The following PIAS1 variants were observed in gnomAD, a reference collection of about 807,000 sequenced individuals.
PIAS1 encodes E3 SUMO-protein ligase PIAS1.
Under a neutral mutation model 71.3 loss-of-function variants are expected in PIAS1, and 6 were observed. The ratio of observed to expected loss-of-function variants is 0.08; its 90% CI spans 0.05 to 0.17. The LOEUF is 0.17. Ranked by LOEUF, PIAS1 falls within the 10% of genes least tolerant of loss-of-function variation. The pLI is 1.00. For missense variants in PIAS1, 555 were observed against 793.6 expected, an observed-to-expected ratio of 0.70 and a Z score of 3.61; for synonymous variants, 303 against 292.9, an observed-to-expected ratio of 1.03 and a Z score of -0.35.
chr15:68,152,268 T>G (rs886511145), intron 6 of PIAS1, among the ~76,000 whole-genome samples: 59 of 152,276 alleles, frequency 3.9e-4, no homozygotes, highest in Admixed American at 6.5e-4. Flanking sequence ...TTAATGTTAC[T>G]TGTTCCTCAT....
At chr15:68,130,702 C>T (rs964314005) in intron 2 of PIAS1, among the ~76,000 whole-genome samples, 1 of 147,712 alleles carries the variant, frequency 6.8e-6, no homozygotes, top group Non-Finnish European at 1.5e-5. Context: ...TTCAGTTTCA[C>T]TTTTTGAATA....
intron 2 of PIAS1, among the ~76,000 whole-genome samples, chr15:68,135,516 G>A (rs1312141814): frequency 4.8e-5 from 2 of 41,746 alleles, no homozygotes; most frequent in East Asian, 7.0e-4. Flanking sequence ...CCTCCCTCCC[G>A]GACGGGGCGG....
chr15:68,088,975 T>G (rs1191099789), intron 2 of PIAS1, among the ~76,000 whole-genome samples: 1 of 152,214 alleles, frequency 6.6e-6, no homozygotes, highest in Non-Finnish European at 1.5e-5. Flanking sequence ...AATCAAGTTT[T>G]TGAGAACATA....
intron 1 of PIAS1, among the ~76,000 whole-genome samples, chr15:68,060,626 C>CA (rs987162641): frequency 1.5e-4 from 22 of 151,554 alleles, no homozygotes; most frequent in African/African-American, 4.9e-4. Context: ...AACAAACAAA[C>CA]AAAAAATCCC....
chr15:68,181,333 C>T lies in PIAS1; in HGVS notation c.1603C>T (p.Pro535Ser). The T allele has an allele frequency of 3.1e-6, 5 of 1,613,646 alleles. No individual in the cohort carries two copies. Among genetic ancestry groups the T allele is most frequent in the South Asian group, 1.1e-5 (1 of 91,076 alleles). The change falls in exon 12 of 14, where the codon CCC becomes TCC. Residue 535 changes from proline (P) to serine (S), a missense_variant. By Grantham distance (74) the Pro-to-Ser change is moderately conservative. Transcript: ENST00000249636. ...QDYRHPFHMT[P>S]MPYDLQGLDF... ...CTATAGGCATCCTTTCCACATGACA[C>T]CCATGCCTTACGACTTACAAGGTGA...
chr15:68,114,848 T>A (rs1002812903), intron 2 of PIAS1, among the ~76,000 whole-genome samples: 2 of 152,048 alleles, frequency 1.3e-5, no homozygotes, highest in Non-Finnish European at 2.9e-5. Flanking sequence ...TTCTAAAACC[T>A]TAACTTTTCT....
chr15:68,087,465 A>C (rs2092294141), intron 2 of PIAS1, among the ~76,000 whole-genome samples: 2 of 152,206 alleles, frequency 1.3e-5, no homozygotes, highest in African/African-American at 4.8e-5. Flanking sequence ...CCTTTGGTAT[A>C]ATATATTTAA....
chr15:68,076,440 C>T (rs961092762), intron 1 of PIAS1, among the ~76,000 whole-genome samples: 9 of 152,018 alleles, frequency 5.9e-5, no homozygotes, highest in Admixed American at 4.6e-4. Context: ...CCAGGAGGCA[C>T]AGGTTGCCAA....
chr15:68,106,191 C>G (rs1349815345), intron 2 of PIAS1, among the ~76,000 whole-genome samples: 1 of 151,656 alleles, frequency 6.6e-6, no homozygotes, highest in Non-Finnish European at 1.5e-5. Flanking sequence ...GTGTAAGAGA[C>G]AGAGTGCATT....
At chr15:68,057,219 A>C (rs1427429198) in intron 1 of PIAS1, among the ~76,000 whole-genome samples, 2 of 152,246 alleles carry the variant, frequency 1.3e-5, no homozygotes, top group Non-Finnish European at 2.9e-5. Context: ...CATACATATC[A>C]AAATGAATTC....
intron 2 of PIAS1, among the ~76,000 whole-genome samples, chr15:68,133,616 A>G (rs1435003403): frequency 6.6e-6 from 1 of 152,168 alleles, no homozygotes; most frequent in Non-Finnish European, 1.5e-5. Flanking sequence ...AGGGAAGGGA[A>G]AGTTTATTTA....
At chr15:68,128,399 C>T (rs1014232805) in intron 2 of PIAS1, among the ~76,000 whole-genome samples, 12 of 152,138 alleles carry the variant, frequency 7.9e-5, no homozygotes, top group African/African-American at 1.7e-4. Context: ...CCACCTGCCT[C>T]GGCCTCCCAA....
At chr15:68,123,415 T>C (rs2092626928) in intron 2 of PIAS1, among the ~76,000 whole-genome samples, 3 of 152,204 alleles carry the variant, frequency 2.0e-5, no homozygotes, top group African/African-American at 7.2e-5. Context: ...GTTATGAGTT[T>C]ACTGTTCTGG....
At chr15:68,082,764 CCTA>C (rs1439335045) in intron 1 of PIAS1, among the ~76,000 whole-genome samples, 3 of 151,786 alleles carry the variant, frequency 2.0e-5, no homozygotes, top group Non-Finnish European at 4.4e-5. Context: ...GCTGCATAGA[CCTA>C]CTACATAGAA....
At chr15:68,129,147 G>T (rs549851168) in intron 2 of PIAS1, among the ~76,000 whole-genome samples, 1 of 151,938 alleles carries the variant, frequency 6.6e-6, no homozygotes, top group Non-Finnish European at 1.5e-5. Flanking sequence ...CTGTAACCTC[G>T]AACTACAGGG....
intron 3 of PIAS1, 124 bp downstream of exon 3, chr15:68,142,154 T>A: frequency 1.1e-6 from 1 of 935,770 alleles, no homozygotes; most frequent in South Asian, 1.4e-5. Flanking sequence ...GTAATGAAAG[T>A]ATAGTGTGTT....
rs1595783948 is a variant in PIAS1 at position 68,167,633 on chromosome 15, AAAG to A, written c.1008+2834_1008+2836del. On this transcript the variant is annotated intron_variant, in intron 8 of 13. Coordinates refer to ENST00000249636, the MANE Select transcript of PIAS1 (RefSeq NM_016166.3). This position sits in a 1 kb window ranked among gnomAD's most constrained non-coding sequence, Gnocchi z 4.4. ...CAAATAACGTGGAATTGATAGAAGA[AAAG>A]AAGATAAACTCTGGAAATGTATTTA... Among the ~76,000 whole-genome samples, 1 of 152,354 alleles carries A rather than the reference AAAG, an allele frequency of 6.6e-6. No individual in the cohort carries two copies. Among genetic ancestry groups the A allele is most frequent in the Non-Finnish European group, 1.5e-5 (1 of 68,034 alleles).
chr15:68,127,674 T>G (rs1347750373), intron 2 of PIAS1, among the ~76,000 whole-genome samples: 1 of 152,194 alleles, frequency 6.6e-6, no homozygotes, highest in Non-Finnish European at 1.5e-5. Context: ...TTATTGGAAT[T>G]TTAGGATAGA....
chr15:68,088,809 C>T (rs1477996763), intron 2 of PIAS1, among the ~76,000 whole-genome samples: 1 of 152,108 alleles, frequency 6.6e-6, no homozygotes, highest in African/African-American at 2.4e-5. Flanking sequence ...TTCTGTACTT[C>T]ATTAAATGAA....
Sources: allele counts gnomAD v4.1 joint callset (sites outside exome capture counted in the v4.1 genomes callset), GRCh38; gene constraint gnomAD v4.1.1; non-coding constraint Gnocchi (gnomAD v3.1); transcripts MANE v1.5; gene names NCBI Gene and HGNC (gene_info 2026-07-23, HGNC 2026-07-21).